Variants in SYT1 observed in about 807,000 individuals in gnomAD.
SYT1 encodes the protein synaptotagmin 1, also known as synaptotagmin-1.
A neutral mutation model predicts 44.8 loss-of-function variants in SYT1; 8 were observed. The ratio of observed to expected loss-of-function variants is 0.18; its 90% CI spans 0.10 to 0.32. The LOEUF (loss-of-function observed/expected upper bound fraction) is 0.32, where lower values mean the gene tolerates loss of function less well. SYT1 is among the 10% of genes least tolerant of loss of function. The probability of loss-of-function intolerance (pLI) is 1.00; values close to 1 mark genes in which losing one functional copy is unlikely to be tolerated. For missense variants in SYT1, 286 were observed against 509.3 expected (o/e 0.56, Z 4.22); for synonymous variants, 154 against 188.8 (o/e 0.82, Z 1.51).
chr12:79,310,563 T>C (rs2138931793), intron 8 of SYT1, among the ~76,000 whole-genome samples: 1 of 152,302 alleles, frequency 6.6e-6, no homozygotes, highest in South Asian at 2.1e-4. Flanking sequence ...AAGTCATTGG[T>C]AGCTTGATGG....
chr12:78,987,906 T>C (rs1199278018), intron 2 of SYT1, among the ~76,000 whole-genome samples: 1 of 152,084 alleles, frequency 6.6e-6, no homozygotes, highest in Non-Finnish European at 1.5e-5. Flanking sequence ...CCAGTATCTC[T>C]CATGAATATA....
intron 1 of SYT1, among the ~76,000 whole-genome samples, chr12:78,869,269 G>A (rs1276056701): frequency 1.3e-5 from 2 of 151,864 alleles, no homozygotes; most frequent in African/African-American, 4.8e-5. Flanking sequence ...GTGTTCTTGA[G>A]GAGCTAGTTT....
At chr12:79,446,630 C>T (rs1235824272) in intron 10 of SYT1, among the ~76,000 whole-genome samples, 2 of 152,106 alleles carry the variant, frequency 1.3e-5, no homozygotes, top group African/African-American at 2.4e-5. Flanking sequence ...GTTTTAAATA[C>T]AACCTTTATC....
At chr12:78,882,922 T>C (rs991927133) in intron 1 of SYT1, among the ~76,000 whole-genome samples, 4 of 151,698 alleles carry the variant, frequency 2.6e-5, no homozygotes, top group Non-Finnish European at 4.4e-5. Flanking sequence ...CAGTCTGTGA[T>C]CTTACATCCT....
At position 79,379,288 on chromosome 12, in the gene SYT1, C is replaced by A. The variant is rs368625478; in HGVS notation, c.928+25669C>A. On this transcript the variant is annotated intron_variant, in intron 9 of 10. Coordinates refer to ENST00000261205, the MANE Select transcript of SYT1 (RefSeq NM_005639.3). Reference sequence around the variant, plus strand: ...TTACTTAATTAGGTTAACAAGACTGCCACAAATTGAAACCCTGTCGTTTTT... The same window carrying A: ...TTACTTAATTAGGTTAACAAGACTGACACAAATTGAAACCCTGTCGTTTTT... Among the ~76,000 whole-genome samples the A allele has an allele frequency of 3.4e-4, 52 of 152,186 alleles. No homozygotes were observed. In the South Asian group the frequency reaches 0.01, roughly 30 times the overall value.
chr12:79,105,739 G>A (rs573111440), intron 3 of SYT1, among the ~76,000 whole-genome samples: 1 of 152,146 alleles, frequency 6.6e-6, no homozygotes, highest in South Asian at 2.1e-4. Context: ...AATTAGCTGG[G>A]CCTGGTGGCG....
At chr12:79,434,246 C>T (rs978133721) in intron 9 of SYT1, among the ~76,000 whole-genome samples, 1 of 152,164 alleles carries the variant, frequency 6.6e-6, no homozygotes, top group Non-Finnish European at 1.5e-5. Context: ...TTGTTTTCTT[C>T]TAGCAAACCC....
intron 10 of SYT1, among the ~76,000 whole-genome samples, chr12:79,447,858 A>G (rs954585504): frequency 2.6e-5 from 4 of 152,314 alleles, no homozygotes; most frequent in South Asian, 4.1e-4. Context: ...ATAATAAACC[A>G]GTCTCCAGCA....
chr12:78,920,203 T>C (rs1294241649), intron 1 of SYT1, among the ~76,000 whole-genome samples: 4 of 152,020 alleles, frequency 2.6e-5, no homozygotes, highest in Non-Finnish European at 5.9e-5. Flanking sequence ...TGGAAATCTA[T>C]AATTAGGTTA....
chr12:79,218,520 A>G (rs138024442), intron 4 of SYT1, among the ~76,000 whole-genome samples: 30 of 152,216 alleles, frequency 2.0e-4, no homozygotes, highest in African/African-American at 7.0e-4. Flanking sequence ...CATCTCCCCA[A>G]TTGCCACCTC....
intron 1 of SYT1, among the ~76,000 whole-genome samples, chr12:78,907,656 A>G (rs1876071644): frequency 6.6e-6 from 1 of 152,022 alleles, no homozygotes; most frequent in Non-Finnish European, 1.5e-5. Context: ...TCCGAAGATG[A>G]GCTGTCTGAA....
At chr12:78,995,892 T>C (rs1031459919) in intron 2 of SYT1, 1 of 152,212 alleles carries the variant, frequency 6.6e-6, no homozygotes, top group African/African-American at 2.4e-5. Flanking sequence ...ACTGTGGTGT[T>C]ATTTGCATTC....
At chr12:79,180,915 G>T (rs1017286274) in intron 3 of SYT1, among the ~76,000 whole-genome samples, 1 of 151,916 alleles carries the variant, frequency 6.6e-6, no homozygotes, top group Non-Finnish European at 1.5e-5. Context: ...GAATCATGGG[G>T]GCAGTTACCT....
intron 1 of SYT1, among the ~76,000 whole-genome samples, chr12:78,903,355 G>A (rs1875773248): frequency 6.6e-6 from 1 of 151,784 alleles, no homozygotes; most frequent in Non-Finnish European, 1.5e-5. Flanking sequence ...GCACGATCTT[G>A]GCTCACTGCA....
chr12:79,401,830 C>T (rs115027830), intron 9 of SYT1, among the ~76,000 whole-genome samples: 201 of 151,874 alleles, frequency 1.3e-3, no homozygotes, highest in African/African-American at 4.4e-3. Context: ...CCACCATGTC[C>T]GGCTAATTAT....
At chr12:78,885,719 A>G (rs1007679707) in intron 1 of SYT1, among the ~76,000 whole-genome samples, 1 of 151,998 alleles carries the variant, frequency 6.6e-6, no homozygotes, top group Non-Finnish European at 1.5e-5. Context: ...AGATGGTGTA[A>G]GGCCCTGGGG....
At chr12:79,334,388 AGTGCTATACTGAGG>A (rs1169335116) in intron 8 of SYT1, among the ~76,000 whole-genome samples, 4 of 152,198 alleles carry the variant, frequency 2.6e-5, no homozygotes, top group Non-Finnish European at 5.9e-5. Flanking sequence ...CAATATTGCA[AGTGCTATACTGAGG>A]GTTTGGGAAG....
At chr12:79,027,009 T>C (rs1004418887) in intron 2 of SYT1, among the ~76,000 whole-genome samples, 1 of 151,344 alleles carries the variant, frequency 6.6e-6, no homozygotes, top group Non-Finnish European at 1.5e-5. Flanking sequence ...CCTCAAAAAA[T>C]TGAAAATAGA....
rs368583272 is a variant in SYT1 at position 78,869,148 on chromosome 12, C to T, written c.-217+4039C>T. Among the ~76,000 whole-genome samples, 41 of 151,758 alleles carry T rather than the reference C, an allele frequency of 2.7e-4. No individual in the cohort carries two copies. The South Asian group carries it at 5.0e-3, about 18-fold the overall frequency. Reference sequence around the variant, plus strand: ...GATCAACATTTTTTCAGTCTTTTTGCAAACTTGACTTAAACTTCTCCACTA... The same window carrying T: ...GATCAACATTTTTTCAGTCTTTTTGTAAACTTGACTTAAACTTCTCCACTA... On this transcript the variant is annotated intron_variant, in intron 1 of 10. Transcript: ENST00000261205.
Sources: allele counts gnomAD v4.1 joint callset (sites outside exome capture counted in the v4.1 genomes callset), GRCh38; gene constraint gnomAD v4.1.1; transcripts MANE v1.5; gene names NCBI Gene and HGNC (gene_info 2026-07-23, HGNC 2026-07-21).